PLPPR1: variants seen among roughly 807,000 people sequenced by gnomAD.
PLPPR1 encodes phospholipid phosphatase related 1.
Under a neutral mutation model 33.1 loss-of-function variants are expected in PLPPR1, and 10 were observed. The ratio of observed to expected loss-of-function variants is 0.30; its 90% CI spans 0.19 to 0.51. The LOEUF (loss-of-function observed/expected upper bound fraction) is 0.51. Among genes scored for constraint, PLPPR1 ranks in the 20% least tolerant of loss-of-function variants. PLPPR1 has a pLI of 0.97. For missense variants in PLPPR1, 304 were observed against 408.1 expected, an observed-to-expected ratio of 0.74 and a Z score of 2.20; for synonymous variants, 151 against 151.0, an observed-to-expected ratio of 1.00 and a Z score of 0.00.
intron 1 of PLPPR1, among the ~76,000 whole-genome samples, chr9:101,172,981 C>T (rs1055408261): frequency 4.6e-5 from 7 of 151,996 alleles, no homozygotes; most frequent in African/African-American, 9.7e-5. Flanking sequence ...ATCCTACTTA[C>T]TTTATCTTGG....
chr9:101,106,926 T>C (rs1464315698), intron 1 of PLPPR1, among the ~76,000 whole-genome samples: 2 of 74,756 alleles, frequency 2.7e-5, no homozygotes, highest in South Asian at 1.7e-3. Flanking sequence ...TACCCTTTCT[T>C]CCAGTTGATC....
chr9:101,274,701 GT>G (rs935667122), intron 3 of PLPPR1, among the ~76,000 whole-genome samples: 31 of 152,182 alleles, frequency 2.0e-4, no homozygotes, highest in African/African-American at 7.2e-4. Context: ...CAGCTCCCAA[GT>G]GCCCACCTCA....
chr9:101,111,086 G>C (rs1831049935), intron 1 of PLPPR1, among the ~76,000 whole-genome samples: 1 of 152,076 alleles, frequency 6.6e-6, no homozygotes, highest in African/African-American at 2.4e-5. Flanking sequence ...CCTTGGAAAA[G>C]TATGGACAGT....
intron 2 of PLPPR1, 194 bp from the exon 3 acceptor site, chr9:101,269,686 G>T: frequency 3.3e-6 from 2 of 612,180 alleles, no homozygotes; most frequent in East Asian, 2.8e-5. Context: ...TTGCTGGAAG[G>T]TTTATAGAAC....
chr9:101,079,733 C>A (rs1490242679), intron 1 of PLPPR1, among the ~76,000 whole-genome samples: 1 of 152,124 alleles, frequency 6.6e-6, no homozygotes, highest in Non-Finnish European at 1.5e-5. Context: ...GTGTGCGCCA[C>A]AACACCTGGC....
chr9:101,059,325 A>G (rs1438159684), intron 1 of PLPPR1, among the ~76,000 whole-genome samples: 1 of 152,140 alleles, frequency 6.6e-6, no homozygotes, highest in Non-Finnish European at 1.5e-5. Flanking sequence ...TTATGAGTAA[A>G]AAATAGTTTG....
In PLPPR1 at chr9:101,034,452, G is replaced by A. The variant is rs564785410; in HGVS notation, c.-46+5350G>A. The stretch of plus-strand genomic sequence containing the variant: ...GCATGCAGGCTGATGAGCCTGACTT[G>A]TTTATGTAGCACAGCGGTTAAGAGC... On this transcript the variant is annotated intron_variant, in intron 1 of 7. Transcript: ENST00000374874. Among the ~76,000 whole-genome samples, 91 of 152,260 alleles carry A rather than the reference G, an allele frequency of 6.0e-4. 1 individual carries two copies. In the South Asian group the frequency reaches 8.9e-3, roughly 15 times the overall value.
At chr9:101,153,872 C>T (rs138279177) in intron 1 of PLPPR1, among the ~76,000 whole-genome samples, 1,565 of 152,124 alleles carry the variant, frequency 0.01, 10 homozygotes, top group Middle Eastern at 0.02. Flanking sequence ...CGTGAGCCAC[C>T]GTGCCTGGCC....
intron 1 of PLPPR1, among the ~76,000 whole-genome samples, chr9:101,040,460 T>C (rs994328596): frequency 6.6e-6 from 1 of 152,202 alleles, no homozygotes; most frequent in Non-Finnish European, 1.5e-5. Context: ...ATAATGGATA[T>C]ACCCAAGATA....
At chr9:101,119,660 C>A (rs1230623917) in intron 1 of PLPPR1, among the ~76,000 whole-genome samples, 1 of 152,200 alleles carries the variant, frequency 6.6e-6, no homozygotes, top group African/African-American at 2.4e-5. Context: ...GGAGTAAGGA[C>A]CAGCCTAACA....
intron 7 of PLPPR1, 51 bp from the exon 8 acceptor site, chr9:101,323,962 AGTGAGTGTGCAC>A: frequency 7.3e-7 from 1 of 1,374,238 alleles, no homozygotes; most frequent in Non-Finnish European, 1.0e-6. Flanking sequence ...TTTAGGGACA[AGTGAGTGTGCAC>A]GTGTCAGGCA....
chr9:101,288,764 G>C (rs1272444388), intron 4 of PLPPR1, among the ~76,000 whole-genome samples: 1 of 152,030 alleles, frequency 6.6e-6, no homozygotes, highest in African/African-American at 2.4e-5. Flanking sequence ...TTGTGTTTTC[G>C]CAAGTCATCC....
At chr9:101,100,005 G>A (rs1213307852) in intron 1 of PLPPR1, among the ~76,000 whole-genome samples, 1 of 152,050 alleles carries the variant, frequency 6.6e-6, no homozygotes, top group African/African-American at 2.4e-5. Flanking sequence ...AAGAGTTATA[G>A]ATTTGGGAAA....
chr9:101,167,169 T>TGTGTGTGTGTGTGTGTGTGC (rs1825871432), intron 1 of PLPPR1, among the ~76,000 whole-genome samples: 1 of 74,130 alleles, frequency 1.3e-5, no homozygotes, highest in African/African-American at 4.4e-5. Flanking sequence ...TGTGTGTGTG[T>TGTGTGTGTGTGTGTGTGTGC]GTGTGTGTGT....
chr9:101,285,949 T>C (rs1337548452), intron 3 of PLPPR1, among the ~76,000 whole-genome samples, 155 bp from the exon 4 acceptor site: 1 of 152,234 alleles, frequency 6.6e-6, no homozygotes, highest in Non-Finnish European at 1.5e-5. Flanking sequence ...TCTTTTGAAG[T>C]GTTAAATGCA....
In PLPPR1 at chr9:101,305,448, G is replaced by C. The variant is rs182705124; in HGVS notation, c.386-3763G>C. 8.5e-5 allele frequency among the ~76,000 whole-genome samples: 13 copies of C among 152,258 alleles called. No homozygotes were observed. The East Asian group carries it at 2.5e-3, about 29-fold the overall frequency. On this transcript the variant is annotated intron_variant, in intron 4 of 7. Coordinates refer to ENST00000374874, the MANE Select transcript of PLPPR1 (RefSeq NM_207299.2). ...TCAGCAAAGTGCCTTTTTGACTGGA[G>C]AATTACACATTTATAATTTAGTATG...
At chr9:101,295,727 G>T (rs1379145155) in intron 4 of PLPPR1, among the ~76,000 whole-genome samples, 1 of 151,982 alleles carries the variant, frequency 6.6e-6, no homozygotes, top group East Asian at 1.9e-4. Context: ...AATAAATGGT[G>T]CTGGGAAAAC....
intron 1 of PLPPR1, among the ~76,000 whole-genome samples, chr9:101,133,095 C>T (rs1831333273): frequency 1.3e-5 from 2 of 152,094 alleles, no homozygotes; most frequent in South Asian, 4.1e-4. Context: ...GAGTAACAGT[C>T]TTAGGAATAA....
intron 2 of PLPPR1, among the ~76,000 whole-genome samples, chr9:101,256,926 T>C (rs2118873790): frequency 6.6e-6 from 1 of 152,218 alleles, no homozygotes; most frequent in South Asian, 2.1e-4. Flanking sequence ...CCAAGACAAA[T>C]AAACAGTCAT....
Sources: gnomAD v4.1 joint callset for allele counts (sites outside exome capture counted in the v4.1 genomes callset) on GRCh38, gnomAD v4.1.1 for gene constraint, MANE v1.5 for transcripts, NCBI Gene and HGNC (gene_info 2026-07-23, HGNC 2026-07-21) for gene names.